The following CACNA1D variants were observed in gnomAD, a reference collection of about 807,000 sequenced individuals.
CACNA1D encodes voltage-dependent L-type calcium channel subunit alpha-1D.
Under a neutral mutation model 257.1 loss-of-function variants are expected in CACNA1D, and 55 were observed. The ratio of observed to expected loss-of-function variants is 0.21; its 90% confidence interval spans 0.17 to 0.27. The LOEUF is 0.27. Among genes scored for constraint, CACNA1D ranks in the 10% least tolerant of loss-of-function variants. The pLI is 1.00. For missense variants in CACNA1D, 1,876 were observed against 2,784.0 expected (o/e 0.67, Z 7.34); for synonymous variants, 980 against 1,014.9 (o/e 0.97, Z 0.65).
chr3:53,737,128 G>A (rs972728301), intron 20 of CACNA1D, among the ~76,000 whole-genome samples: 2 of 151,672 alleles, frequency 1.3e-5, no homozygotes, highest in Admixed American at 6.6e-5. Flanking sequence ...GTGGAACCCC[G>A]TCTCTACTAA....
intron 3 of CACNA1D, among the ~76,000 whole-genome samples, chr3:53,508,561 GTGAGAGCAAGGC>G (rs2090963262): frequency 6.6e-6 from 1 of 152,182 alleles, no homozygotes; most frequent in South Asian, 2.1e-4. Context: ...CCGCTTATAA[GTGAGAGCAAGGC>G]ATTTCTTTCT....
chr3:53,633,306 C>A (rs1041720713), intron 3 of CACNA1D, among the ~76,000 whole-genome samples: 4 of 152,120 alleles, frequency 2.6e-5, no homozygotes, highest in African/African-American at 7.2e-5. Flanking sequence ...CCAGCCTAGG[C>A]AATGTGGCGT....
chr3:53,526,567 G>C (rs116452864), intron 3 of CACNA1D, among the ~76,000 whole-genome samples: 1 of 152,316 alleles, frequency 6.6e-6, no homozygotes, highest in Non-Finnish European at 1.5e-5. Flanking sequence ...GGTGATTACT[G>C]TTCGAGGTTT....
intron 47 of CACNA1D, among the ~76,000 whole-genome samples, chr3:53,810,780 A>C (rs6763714): frequency 0.43 from 56,629 of 131,834 alleles, 14,414 homozygotes; most frequent in East Asian, 0.73. Flanking sequence ...AAAAAAAAAA[A>C]AAAAAACAAA....
chr3:53,805,224 CGGTG>C, intron 45 of CACNA1D, 78 bp downstream of exon 45: 1 of 1,365,366 alleles, frequency 7.3e-7, no homozygotes, highest in Non-Finnish European at 1.0e-6. Context: ...CTCTGGGGGC[CGGTG>C]ATGGATGTGT....
chr3:53,523,006 A>G (rs1028318389), intron 3 of CACNA1D, among the ~76,000 whole-genome samples: 1 of 152,210 alleles, frequency 6.6e-6, no homozygotes, highest in Non-Finnish European at 1.5e-5. Context: ...TAAGAGTGAG[A>G]ACATGCGATA....
At chr3:53,776,550 C>G (rs1461939733) in intron 35 of CACNA1D, 53 bp from the exon 36 acceptor site, 18 of 1,611,686 alleles carry the variant, frequency 1.1e-5, no homozygotes, top group East Asian at 2.2e-5. Flanking sequence ...GTGCTCAGTT[C>G]TAACGCAATC....
At chr3:53,666,559 T>C (rs1192870129) in intron 7 of CACNA1D, 24 bp downstream of exon 7, 1 of 1,587,948 alleles carries the variant, frequency 6.3e-7, no homozygotes, top group South Asian at 1.1e-5. Context: ...GGAGAGAGTT[T>C]ATGGAGTGTT....
chr3:53,706,629 G>C (rs766384779), intron 9 of CACNA1D, among the ~76,000 whole-genome samples: 2 of 152,070 alleles, frequency 1.3e-5, no homozygotes, highest in Non-Finnish European at 2.9e-5. Flanking sequence ...AGAATTTTAG[G>C]GGTATAAATT....
intron 7 of CACNA1D, among the ~76,000 whole-genome samples, chr3:53,669,086 G>A (rs186348499): frequency 6.6e-6 from 1 of 152,368 alleles, no homozygotes; most frequent in Admixed American, 6.5e-5. Flanking sequence ...CTAGGGGGCA[G>A]CTAAGTAATG....
intron 3 of CACNA1D, among the ~76,000 whole-genome samples, chr3:53,616,482 A>G (rs1243103389): frequency 6.6e-6 from 1 of 152,172 alleles, no homozygotes; most frequent in African/African-American, 2.4e-5. Context: ...TCTCTCTGCC[A>G]TCCAAACAGA....
At chr3:53,728,123 G>C (rs888157539) in intron 15 of CACNA1D, among the ~76,000 whole-genome samples, 1 of 151,838 alleles carries the variant, frequency 6.6e-6, no homozygotes, top group Admixed American at 6.6e-5. Context: ...CTGTCTACTG[G>C]ATTTTTATTT....
intron 3 of CACNA1D, among the ~76,000 whole-genome samples, chr3:53,631,694 T>C (rs2093824128): frequency 6.6e-6 from 1 of 152,256 alleles, no homozygotes; most frequent in African/African-American, 2.4e-5. Flanking sequence ...TTATGAAATA[T>C]ATTTATTAAA....
chr3:53,584,752 C>A (rs1020229748), intron 3 of CACNA1D, among the ~76,000 whole-genome samples: 5 of 152,178 alleles, frequency 3.3e-5, no homozygotes, highest in Non-Finnish European at 7.3e-5. Flanking sequence ...TGGATTGCTG[C>A]AGCTGTCGTC....
At chr3:53,754,487 A>C (rs1170855794) in intron 29 of CACNA1D, among the ~76,000 whole-genome samples, 2 of 152,200 alleles carry the variant, frequency 1.3e-5, no homozygotes, top group Non-Finnish European at 1.5e-5. Flanking sequence ...GTGCTGTTTC[A>C]TGGGGTTGTC....
intron 3 of CACNA1D, among the ~76,000 whole-genome samples, chr3:53,592,999 C>A (rs910607050): frequency 2.6e-5 from 4 of 152,122 alleles, no homozygotes; most frequent in African/African-American, 9.7e-5. Flanking sequence ...AATCCTAGTT[C>A]TTTTACTCTC....
intron 9 of CACNA1D, among the ~76,000 whole-genome samples, chr3:53,708,464 C>G (rs1160074848): frequency 6.6e-6 from 1 of 152,178 alleles, no homozygotes; most frequent in African/African-American, 2.4e-5. Flanking sequence ...GACACTGTCT[C>G]CATTGGGGTG....
intron 8 of CACNA1D, among the ~76,000 whole-genome samples, chr3:53,687,246 C>G (rs1356213110): frequency 1.3e-5 from 2 of 151,982 alleles, no homozygotes; most frequent in Non-Finnish European, 2.9e-5. Flanking sequence ...ATCTCAATAG[C>G]CTTTCTTTTA....
intron 40 of CACNA1D, among the ~76,000 whole-genome samples, chr3:53,787,187 G>C (rs547836396): frequency 6.6e-6 from 1 of 152,200 alleles, no homozygotes; most frequent in East Asian, 1.9e-4. Context: ...ACGCGGCAGG[G>C]CTGCCAGGAC....
Sources: allele counts gnomAD v4.1 joint callset (sites outside exome capture counted in the v4.1 genomes callset), GRCh38; gene constraint gnomAD v4.1.1; transcripts MANE v1.5; gene names NCBI Gene and HGNC (gene_info 2026-07-23, HGNC 2026-07-21).